ERBB4: variants seen among roughly 807,000 people sequenced by gnomAD.
The protein encoded by ERBB4 is receptor tyrosine-protein kinase erbB-4.
A neutral mutation model predicts 158.0 loss-of-function variants in ERBB4; 42 were observed. That is an observed-to-expected ratio of 0.27 (90% CI 0.21 to 0.34). ERBB4 has a LOEUF of 0.34. Among genes scored for constraint, ERBB4 ranks in the 10% least tolerant of loss-of-function variants. The pLI is 1.00. For missense variants in ERBB4, 1,333 were observed against 1,624.1 expected, an observed-to-expected ratio of 0.82 and a Z score of 3.08; for synonymous variants, 583 against 558.7, an observed-to-expected ratio of 1.04 and a Z score of -0.61.
chr2:211,394,075 T>C (rs1047758005), intron 25 of ERBB4, among the ~76,000 whole-genome samples: 1 of 152,156 alleles, frequency 6.6e-6, no homozygotes, highest in African/African-American at 2.4e-5. Flanking sequence ...AACAAGAGGA[T>C]ATTTCCTTTT....
chr2:212,422,104 A>G (rs2091805859), intron 1 of ERBB4, among the ~76,000 whole-genome samples: 1 of 152,180 alleles, frequency 6.6e-6, no homozygotes, highest in East Asian at 1.9e-4. Context: ...AGAATCTTGT[A>G]ATATGACTAA....
chr2:211,883,878 T>C (rs368917954), intron 3 of ERBB4, among the ~76,000 whole-genome samples: 2 of 152,206 alleles, frequency 1.3e-5, no homozygotes, highest in South Asian at 2.1e-4. Flanking sequence ...GTATGCATTA[T>C]AGAAAAACTC....
At position 211,501,024 on chromosome 2, in the gene ERBB4, T is replaced by C. The variant is rs1574617807; in HGVS notation, c.2487+60879A>G. ...CATATGTCATTGGAAGGCCATTGTT[T>C]GTTCATTATGTGCAATTCCATTAAG... On this transcript the variant is annotated intron_variant, in intron 20 of 27. Coordinates refer to ENST00000342788, the MANE Select transcript of ERBB4 (RefSeq NM_005235.3). Among the ~76,000 whole-genome samples, 3 of 152,150 alleles carry C rather than the reference T, an allele frequency of 2.0e-5. No homozygotes were observed. The East Asian group carries it at 5.8e-4, about 29-fold the overall frequency.
intron 19 of ERBB4, among the ~76,000 whole-genome samples, chr2:211,567,456 C>A (rs2067583186): frequency 6.6e-6 from 1 of 151,950 alleles, no homozygotes; most frequent in Non-Finnish European, 1.5e-5. Context: ...CAGAAAAAGT[C>A]AAATAAAATA....
At chr2:212,052,085 C>T (rs999853822) in intron 2 of ERBB4, among the ~76,000 whole-genome samples, 18 of 152,154 alleles carry the variant, frequency 1.2e-4, no homozygotes, top group African/African-American at 4.1e-4. Flanking sequence ...GAAGCAGACC[C>T]ACCTGCAATC....
At chr2:211,400,149 C>T (rs908865213) in intron 25 of ERBB4, among the ~76,000 whole-genome samples, 6 of 152,016 alleles carry the variant, frequency 3.9e-5, no homozygotes, top group South Asian at 2.1e-4. Flanking sequence ...CCAACAGCCC[C>T]GCTGCCTTAA....
At chr2:212,506,531 CAA>C (rs570836627) in intron 1 of ERBB4, among the ~76,000 whole-genome samples, 28 of 127,018 alleles carry the variant, frequency 2.2e-4, no homozygotes, top group Non-Finnish European at 2.7e-4. Context: ...CAAATGATAA[CAA>C]AAAAAAAAAA....
At chr2:212,205,838 A>C (rs570427249) in intron 1 of ERBB4, among the ~76,000 whole-genome samples, 1 of 152,296 alleles carries the variant, frequency 6.6e-6, no homozygotes, top group African/African-American at 2.4e-5. Flanking sequence ...TGTGGTTAGA[A>C]GTTTCTGAAA....
At chr2:212,328,028 T>TC (rs1201106643) in intron 1 of ERBB4, among the ~76,000 whole-genome samples, 1 of 24,882 alleles carries the variant, frequency 4.0e-5, no homozygotes, top group Non-Finnish European at 1.0e-4. Flanking sequence ...TAAAACAACT[T>TC]TAAAAAAAAA....
At chr2:212,017,777 G>A (rs1017163494) in intron 2 of ERBB4, among the ~76,000 whole-genome samples, 2 of 152,060 alleles carry the variant, frequency 1.3e-5, no homozygotes, top group Non-Finnish European at 2.9e-5. Flanking sequence ...AAAAGAGCTT[G>A]CCCAAATAGA....
At chr2:211,768,069 C>T (rs2075597769) in intron 4 of ERBB4, among the ~76,000 whole-genome samples, 2 of 152,216 alleles carry the variant, frequency 1.3e-5, no homozygotes, top group Non-Finnish European at 2.9e-5. Context: ...GGTAAATACA[C>T]TCATTCCAAA....
At chr2:211,964,281 C>G (rs1490762033) in intron 2 of ERBB4, among the ~76,000 whole-genome samples, 1 of 152,178 alleles carries the variant, frequency 6.6e-6, no homozygotes, top group Non-Finnish European at 1.5e-5. Flanking sequence ...TCCTCTTCAT[C>G]AACATCATCA....
At chr2:211,864,747 C>T (rs987163993) in intron 3 of ERBB4, among the ~76,000 whole-genome samples, 1 of 152,114 alleles carries the variant, frequency 6.6e-6, no homozygotes, top group African/African-American at 2.4e-5. Flanking sequence ...GGGCAGATCA[C>T]TTGAGGTCAG....
chr2:211,448,248 C>G (rs1383571309), intron 20 of ERBB4, among the ~76,000 whole-genome samples: 1 of 152,124 alleles, frequency 6.6e-6, no homozygotes, highest in Non-Finnish European at 1.5e-5. Flanking sequence ...ACTGGGATCA[C>G]AGGTGTGAGC....
intron 20 of ERBB4, among the ~76,000 whole-genome samples, chr2:211,533,118 C>T (rs1440263739): frequency 6.6e-6 from 1 of 151,624 alleles, no homozygotes; most frequent in Admixed American, 6.6e-5. Flanking sequence ...TTGTATGTTA[C>T]ATGATTCTCA....
intron 3 of ERBB4, among the ~76,000 whole-genome samples, chr2:211,849,852 G>T (rs1441620964): frequency 2.6e-5 from 4 of 151,814 alleles, no homozygotes; most frequent in Non-Finnish European, 5.9e-5. Context: ...GTGGAGAATA[G>T]CACATTTTAT....
intron 2 of ERBB4, among the ~76,000 whole-genome samples, chr2:212,059,892 C>A (rs2077706898): frequency 6.6e-6 from 1 of 152,196 alleles, no homozygotes; most frequent in African/African-American, 2.4e-5. Flanking sequence ...GCAAGCACTT[C>A]ATGTCTAAAA....
intron 1 of ERBB4, among the ~76,000 whole-genome samples, chr2:212,232,233 A>AT (rs2083691022): frequency 6.6e-6 from 1 of 152,188 alleles, no homozygotes; most frequent in African/African-American, 2.4e-5. Flanking sequence ...TGAAGACTAC[A>AT]TAAGTGTTTC....
rs2090677615 is a variant in ERBB4 at position 212,386,454 on chromosome 2, T to C, written c.82+151995A>G. 2.0e-5 allele frequency among the ~76,000 whole-genome samples: 3 copies of C among 151,732 alleles called. No individual in the cohort carries two copies. The South Asian group carries it at 6.2e-4, about 31-fold the overall frequency. On this transcript the variant is annotated intron_variant, in intron 1 of 27. Transcript: ENST00000342788. ...TACTCTGGTAATCAAAGCTGCCAAA[T>C]AGATCTAAACTTATTTCCCTCTCTA... is the stretch of plus-strand genomic sequence containing the variant.
Sources: allele counts gnomAD v4.1 joint callset (sites outside exome capture counted in the v4.1 genomes callset), GRCh38; gene constraint gnomAD v4.1.1; transcripts MANE v1.5; gene names NCBI Gene and HGNC (gene_info 2026-07-23, HGNC 2026-07-21).